Variants in CA12 observed in about 807,000 individuals in gnomAD.
The protein encoded by CA12 is carbonate dehydratase XII.
In CA12, 36 loss-of-function variants were observed where a neutral mutation model predicts 46.8. The observed-to-expected ratio is 0.77, with a 90% CI of 0.59 to 1.02. The LOEUF is 1.02. Among genes scored for constraint, CA12 ranks in the 50% least tolerant of loss-of-function variants. The pLI is 0.00. For missense variants in CA12, 436 were observed against 451.4 expected (o/e 0.97, Z 0.31); for synonymous variants, 202 against 187.0 (o/e 1.08, Z -0.65).
chr15:63,381,752 T>G lies in CA12; in HGVS notation c.-32A>C, dbSNP rs2039651170. On this transcript the variant is annotated 5_prime_UTR_variant, in exon 1 of 11. Transcript: ENST00000178638. The stretch of plus-strand genomic sequence containing the variant: ...GGGCTCCTGCGGGGCGGGCGCGGGC[T>G]GTGCCGGGGGCTCCCGGTGGCCGCT... 3 of 1,490,648 alleles carry G rather than the reference T, an allele frequency of 2.0e-6. No individual in the cohort carries two copies. The highest frequency in any genetic ancestry group is 2.7e-6 in the Non-Finnish European group (3 of 1,111,710). 92.3% of individuals were successfully genotyped at this position (1,490,648 alleles called of 1,614,324 possible).
chr15:63,374,272 C>A lies in CA12; in HGVS notation c.106+1386G>T, dbSNP rs191522088. 1.3e-5 allele frequency among the ~76,000 whole-genome samples: 2 copies of A among 152,228 alleles called. No homozygotes were observed. The highest frequency in any genetic ancestry group is 1.9e-4 in the East Asian group (1 of 5,166). ...AACACCACCTTGCTCTTTCTTGCTT[C>A]TGCTCAACATCACCTTAGCCAACAG... is the stretch of plus-strand genomic sequence containing the variant. On this transcript the variant is annotated intron_variant, in intron 2 of 10. Transcript: ENST00000178638. The surrounding 1 kb of genome is among the most constrained non-coding windows in gnomAD (Gnocchi z 4.4).
At position 63,326,199 on chromosome 15, in the gene CA12, T is replaced by G; in HGVS notation, c.*86A>C. ...GCAGATTGAGCTACAGAGAACACCT[T>G]GAGGTGTCGCAAGTGTCCAGAGAGC... is the stretch of plus-strand genomic sequence containing the variant. On this transcript the variant is annotated 3_prime_UTR_variant, in exon 11 of 11. Coordinates refer to ENST00000178638, the MANE Select transcript of CA12 (RefSeq NM_001218.5). 2.0e-5 allele frequency: 20 copies of G among 985,318 alleles called. No individual in the cohort carries two copies. Among genetic ancestry groups the G allele is most frequent in the Non-Finnish European group, 2.8e-5 (17 of 610,072 alleles). The allele number at this position is 985,318 out of a possible 1,614,324, so 61.0% of individuals were successfully genotyped here.
rs77315119 is a variant in CA12, at chr15:63,372,956, A to G, written c.106+2702T>C. ...GCTCTAATTATGCAGGGTAGGAGGG[A>G]CAGAGGGCTGGCCAGAGCTAGTGGT... On this transcript the variant is annotated intron_variant, in intron 2 of 10. Coordinates refer to ENST00000178638, the MANE Select transcript of CA12 (RefSeq NM_001218.5). This position sits in a 1 kb window ranked among gnomAD's most constrained non-coding sequence, Gnocchi z 4.5. Among the ~76,000 whole-genome samples, 5,547 of 152,280 alleles carry G rather than the reference A, an allele frequency of 0.036. 257 individuals carry two copies. Among genetic ancestry groups the G allele is most frequent in the South Asian group, 0.11 (522 of 4,824 alleles).
rs2038936469 is a variant in CA12 at position 63,331,435 on chromosome 15, G to A, written c.875-3305C>T. On this transcript the variant is annotated intron_variant, in intron 8 of 10. Transcript: ENST00000178638. The surrounding 1 kb of genome is among the most constrained non-coding windows in gnomAD (Gnocchi z 5.3). ...TTGTTTCTGAATAGGAAAGAAGGGAGGCGATTCCCACGGAAGAACAATGGG... is the reference window on the plus strand; with the variant it reads ...TTGTTTCTGAATAGGAAAGAAGGGAAGCGATTCCCACGGAAGAACAATGGG... 6.6e-6 allele frequency among the ~76,000 whole-genome samples: 1 copy of A among 152,192 alleles called. No individual in the cohort carries two copies. The highest frequency in any genetic ancestry group is 1.9e-4 in the East Asian group (1 of 5,196).
chr15:63,360,581 G>T (rs766302672), intron 2 of CA12, among the ~76,000 whole-genome samples: 2 of 152,108 alleles, frequency 1.3e-5, no homozygotes, highest in Non-Finnish European at 2.9e-5. Flanking sequence ...ATTGTGCCAC[G>T]TGCTCTCGCC....
Position 63,371,408 on chromosome 15 carries a change from G to A in CA12, c.106+4250C>T, listed in dbSNP as rs773360958. ...GAGTCCTGCCAGAGCCGAGGGCCAC[G>A]AGGGCTGGCCTGCCGCAACAGAGAA... is the stretch of plus-strand genomic sequence containing the variant. On this transcript the variant is annotated intron_variant, in intron 2 of 10. Coordinates refer to ENST00000178638, the MANE Select transcript of CA12 (RefSeq NM_001218.5). 3.9e-5 allele frequency among the ~76,000 whole-genome samples: 6 copies of A among 152,240 alleles called. No homozygotes were observed. In the East Asian group the frequency reaches 1.2e-3, roughly 29 times the overall value.
rs1206685913 is a variant in CA12 at position 63,330,080 on chromosome 15, C to T, written c.875-1950G>A. On this transcript the variant is annotated intron_variant, in intron 8 of 10. Transcript: ENST00000178638. The surrounding 1 kb of genome is among the most constrained non-coding windows in gnomAD (Gnocchi z 4.0). ...CCTATTCTCCCTACTCTGCTCACCA[C>T]CACCAGCTGCTCATGACCTCCCAAG... Among the ~76,000 whole-genome samples, 2 of 152,228 alleles carry T rather than the reference C, an allele frequency of 1.3e-5. No individual in the cohort carries two copies. Among genetic ancestry groups the T allele is most frequent in the Non-Finnish European group, 2.9e-5 (2 of 68,042 alleles).
chr15:63,354,605 T>C (rs2039272583), intron 2 of CA12, among the ~76,000 whole-genome samples: 1 of 152,112 alleles, frequency 6.6e-6, no homozygotes, highest in African/African-American at 2.4e-5. Context: ...ATCCTGAGGA[T>C]GTCTGATTTC....
rs536204552 is a variant in CA12, at chr15:63,376,747, A to C, written c.86-1069T>G. On this transcript the variant is annotated intron_variant, in intron 1 of 10. Coordinates refer to ENST00000178638, the MANE Select transcript of CA12 (RefSeq NM_001218.5). ...AGCCTCAACCTCCTGGGCTCAAGCA[A>C]TCCTCCCACCTCAGCCTCCCTAGTA... Among the ~76,000 whole-genome samples, 9 of 151,728 alleles carry C rather than the reference A, an allele frequency of 5.9e-5. No individual in the cohort carries two copies. In the South Asian group the frequency reaches 1.9e-3, roughly 32 times the overall value.
intron 1 of CA12, chr15:63,379,034 G>A (rs1489584755): frequency 1.3e-5 from 2 of 152,216 alleles, no homozygotes; most frequent in Non-Finnish European, 2.9e-5. Context: ...CTCAGATGAG[G>A]CCTCAGCATC....
At position 63,372,306 on chromosome 15, in the gene CA12, A is replaced by T. The variant is rs144553058; in HGVS notation, c.106+3352T>A. Among the ~76,000 whole-genome samples, 18 of 152,304 alleles carry T rather than the reference A, an allele frequency of 1.2e-4. No homozygotes were observed. Among genetic ancestry groups the T allele is most frequent in the Non-Finnish European group, 1.6e-4 (11 of 68,028 alleles). Reference sequence around the variant, plus strand: ...TCTCTCTCATGATGCCACCTCAGCCATGCTAAGCCCAGCAGCCATTCAGCT... The same window carrying T: ...TCTCTCTCATGATGCCACCTCAGCCTTGCTAAGCCCAGCAGCCATTCAGCT... On this transcript the variant is annotated intron_variant, in intron 2 of 10. Transcript: ENST00000178638. The surrounding 1 kb of genome is among the most constrained non-coding windows in gnomAD (Gnocchi z 4.5).
At position 63,339,780 on chromosome 15, in the gene CA12, CG is replaced by C. The variant is rs1483035154; in HGVS notation, c.747+507del. The stretch of plus-strand genomic sequence containing the variant: ...GGGTCTCAGCTTTGTCACTAACCCG[CG>C]GGTGATCCCACAGACTTCTACTCTT... On this transcript the variant is annotated intron_variant, in intron 7 of 10. Transcript: ENST00000178638. This position sits in a 1 kb window ranked among gnomAD's most constrained non-coding sequence, Gnocchi z 4.3. Among the ~76,000 whole-genome samples, 2 of 152,200 alleles carry C rather than the reference CG, an allele frequency of 1.3e-5. No individual in the cohort carries two copies. The highest frequency in any genetic ancestry group is 2.9e-5 in the Non-Finnish European group (2 of 68,018).
At chr15:63,343,343 G>A (rs989934704) in intron 4 of CA12, among the ~76,000 whole-genome samples, 9 of 138,102 alleles carry the variant, frequency 6.5e-5, no homozygotes, top group African/African-American at 1.1e-4. Flanking sequence ...GTGCAATGGC[G>A]TGATCTTGGC....
In CA12 at chr15:63,378,630, G is replaced by C. The variant is rs969294323; in HGVS notation, c.86-2952C>G. On this transcript the variant is annotated intron_variant, in intron 1 of 10. Transcript: ENST00000178638. The surrounding 1 kb of genome is among the most constrained non-coding windows in gnomAD (Gnocchi z 4.8). ...AATGAAAAAAAATAAAGAAAGCATTGCTTTCAAACCAAGCTATAGAAGACA... is the reference window on the plus strand; with the variant it reads ...AATGAAAAAAAATAAAGAAAGCATTCCTTTCAAACCAAGCTATAGAAGACA... 6.6e-6 allele frequency: 1 copy of C among 152,144 alleles called. No individual in the cohort carries two copies. The highest frequency in any genetic ancestry group is 1.5e-5 in the Non-Finnish European group (1 of 68,034). 9.4% of individuals were successfully genotyped at this position (152,144 alleles called of 1,614,324 possible). A position where few individuals can be genotyped will look rare whatever the true frequency, so the allele number is the denominator to read the frequency against.
intron 1 of CA12, among the ~76,000 whole-genome samples, chr15:63,376,338 G>T (rs1213402230): frequency 6.6e-6 from 1 of 152,262 alleles, no homozygotes; most frequent in East Asian, 1.9e-4. Flanking sequence ...TACAGTAGAA[G>T]CTCTTCTTCC....
At chr15:63,360,518 T>G (rs537146975) in intron 2 of CA12, among the ~76,000 whole-genome samples, 27 of 152,318 alleles carry the variant, frequency 1.8e-4, no homozygotes, top group African/African-American at 6.5e-4. Context: ...GAAAGACCCA[T>G]GGAGAACTGT....
In CA12 at chr15:63,327,133, AC is replaced by A; in HGVS notation, c.992+15del. ...ACATAGCTGTCCATTCCCATTTTGG[AC>A]CCAAACCAGCTCACCTCTTCCTTCT... On this transcript the variant is annotated intron_variant, in intron 10 of 10. Transcript: ENST00000178638. The surrounding 1 kb of genome is among the most constrained non-coding windows in gnomAD (Gnocchi z 4.5). The A allele has an allele frequency of 6.2e-7, 1 of 1,611,060 alleles. No individual in the cohort carries two copies. Among genetic ancestry groups the A allele is most frequent in the Non-Finnish European group, 8.5e-7 (1 of 1,177,302 alleles).
At chr15:63,337,874 A>G (rs1210587226) in intron 8 of CA12, among the ~76,000 whole-genome samples, 1 of 152,132 alleles carries the variant, frequency 6.6e-6, no homozygotes, top group East Asian at 1.9e-4. Flanking sequence ...GGTTATCTTT[A>G]AATATGAACG....
At chr15:63,364,426 G>A (rs2039413242) in intron 2 of CA12, among the ~76,000 whole-genome samples, 3 of 151,218 alleles carry the variant, frequency 2.0e-5, no homozygotes, top group South Asian at 4.2e-4. Flanking sequence ...TCCAAGCAGG[G>A]AGCTATAAAT....
Sources: gnomAD v4.1 joint callset for allele counts (sites outside exome capture counted in the v4.1 genomes callset) on GRCh38, gnomAD v4.1.1 for gene constraint, Gnocchi (gnomAD v3.1) non-coding constraint, MANE v1.5 for transcripts, NCBI Gene and HGNC (gene_info 2026-07-23, HGNC 2026-07-21) for gene names.